The following PSMD1 variants were observed in gnomAD, a reference collection of about 807,000 sequenced individuals.
PSMD1 encodes the protein proteasome 26S subunit, non-ATPase 1, also known as 26S proteasome non-ATPase regulatory subunit 1.
Under a neutral mutation model 119.0 loss-of-function variants are expected in PSMD1, and 18 were observed. The ratio of observed to expected loss-of-function variants is 0.15; its 90% CI spans 0.10 to 0.22. The LOEUF (loss-of-function observed/expected upper bound fraction) is 0.22. PSMD1 is among the 10% of genes least tolerant of loss of function. The pLI is 1.00. For missense variants in PSMD1, 702 were observed against 1,158.5 expected (o/e 0.61, Z 5.72); for synonymous variants, 374 against 396.6 (o/e 0.94, Z 0.68).
In PSMD1 at chr2:231,068,048, A is replaced by G. The variant is rs946734113; in HGVS notation, c.510+937A>G. ...TTGCAGAACTTTGATCCCAATACCC[A>G]TGCCTTCCTCAGCCCCTAAGCAAAG... On this transcript the variant is annotated intron_variant, in intron 5 of 24. Transcript: ENST00000308696. 3.3e-5 allele frequency among the ~76,000 whole-genome samples: 5 copies of G among 152,092 alleles called. 1 individual carries two copies. The highest frequency in any genetic ancestry group is 4.1e-4 in the South Asian group (2 of 4,830).
chr2:231,066,856 A>G (rs768541522), intron 4 of PSMD1, 50 bp from the exon 5 acceptor site: 1 of 1,440,540 alleles, frequency 6.9e-7, no homozygotes, highest in East Asian at 2.4e-5. Context: ...GCCCTTTCTG[A>G]TAGTTTAGCC....
intron 16 of PSMD1, among the ~76,000 whole-genome samples, chr2:231,128,454 G>A (rs999400520): frequency 1.4e-4 from 22 of 152,152 alleles, no homozygotes; most frequent in African/African-American, 5.3e-4. Context: ...GAAACTATAA[G>A]AATAGCTATT....
intron 12 of PSMD1, among the ~76,000 whole-genome samples, chr2:231,082,674 C>T (rs911177781): frequency 1.3e-5 from 2 of 152,210 alleles, no homozygotes; most frequent in Non-Finnish European, 2.9e-5. Context: ...CATTGCACTC[C>T]AGCCTGGGCG....
chr2:231,163,855 C>T (rs571974642), intron 21 of PSMD1, 128 bp downstream of exon 21: 4 of 700,084 alleles, frequency 5.7e-6, no homozygotes, highest in East Asian at 2.8e-5. Flanking sequence ...TGACATTACA[C>T]AAGAATATGA....
At chr2:231,145,519 A>G (rs1231382621) in intron 17 of PSMD1, among the ~76,000 whole-genome samples, 1 of 152,156 alleles carries the variant, frequency 6.6e-6, no homozygotes, top group Non-Finnish European at 1.5e-5. Context: ...TTTTTCTTCA[A>G]TAATTGATCT....
At chr2:231,172,217 G>A (rs112271371) in intron 24 of PSMD1, among the ~76,000 whole-genome samples, 6 of 152,294 alleles carry the variant, frequency 3.9e-5, no homozygotes, top group African/African-American at 9.6e-5. Context: ...GGTGACTCAC[G>A]TTAGCTCCCA....
chr2:231,157,918 T>G (rs1197349130), intron 19 of PSMD1, among the ~76,000 whole-genome samples: 2 of 152,106 alleles, frequency 1.3e-5, no homozygotes, highest in Admixed American at 1.3e-4. Flanking sequence ...ATAGAATTAA[T>G]CTCATGTCCT....
intron 16 of PSMD1, among the ~76,000 whole-genome samples, chr2:231,106,572 T>G (rs1694979889): frequency 6.6e-6 from 1 of 151,836 alleles, no homozygotes; most frequent in Non-Finnish European, 1.5e-5. Context: ...GAGCCAAGAT[T>G]GCGCCACTGC....
intron 7 of PSMD1, among the ~76,000 whole-genome samples, chr2:231,074,911 C>T (rs1193663574): frequency 6.6e-6 from 1 of 152,160 alleles, no homozygotes; most frequent in East Asian, 1.9e-4. Context: ...TCACTGCAAC[C>T]TCAAACTCCT....
chr2:231,139,076 C>G (rs1216581311), intron 17 of PSMD1: 1 of 563,422 alleles, frequency 1.8e-6, no homozygotes, highest in African/African-American at 1.9e-5. Flanking sequence ...TGAAACAGTG[C>G]TTTTGAATTT....
intron 16 of PSMD1, among the ~76,000 whole-genome samples, chr2:231,096,291 C>T (rs1022523122): frequency 2.0e-5 from 3 of 152,188 alleles, no homozygotes; most frequent in Non-Finnish European, 4.4e-5. Flanking sequence ...GGAGGGGACT[C>T]AGGCAAAACC....
At chr2:231,128,321 A>G (rs755018717) in intron 16 of PSMD1, among the ~76,000 whole-genome samples, 9 of 152,240 alleles carry the variant, frequency 5.9e-5, no homozygotes, top group Admixed American at 3.9e-4. Context: ...TATAGTACAG[A>G]TAAGGTAGAA....
chr2:231,140,888 G>T (rs1184043242), intron 17 of PSMD1, among the ~76,000 whole-genome samples: 1 of 151,852 alleles, frequency 6.6e-6, no homozygotes, highest in Non-Finnish European at 1.5e-5. Flanking sequence ...CAAAAAAAAG[G>T]CCAGGTGTGG....
rs111314393 is a variant in PSMD1 at position 231,169,563 on chromosome 2, T to C, written c.2716-1003T>C. ...CACGAAGCACACCAGTTTTATAGCA[T>C]GGCAGGGCAGAGTTCTGATGAGTAA... On this transcript the variant is annotated intron_variant, in intron 23 of 24. Transcript: ENST00000308696. Among the ~76,000 whole-genome samples, 1,277 of 152,340 alleles carry C rather than the reference T, an allele frequency of 8.4e-3. 24 individuals are homozygous for C. The highest frequency in any genetic ancestry group is 0.029 in the African/African-American group (1,221 of 41,578).
At position 231,146,272 on chromosome 2, in the gene PSMD1, C is replaced by T. The variant is rs373710327; in HGVS notation, c.2031C>T (p.Asn677=). ...TTAATTTGCTAGAACCAATGACAAA[C>T]GACCCCGTGAACTACGTGAGGCAAG... is the stretch of plus-strand genomic sequence containing the variant. ...EAINLLEPMT[N]DPVNYVRQGA... The change falls in exon 18 of 25, where the codon AAC becomes AAT. Residue 677 remains asparagine (N), a synonymous_variant. Transcript: ENST00000308696. 31 of 1,613,432 alleles carry T rather than the reference C, an allele frequency of 1.9e-5. 1 individual carries two copies. The Admixed American group carries it at 2.3e-4, about 12-fold the overall frequency.
chr2:231,105,211 A>C (rs1694948781), intron 16 of PSMD1, among the ~76,000 whole-genome samples: 2 of 152,164 alleles, frequency 1.3e-5, no homozygotes, highest in South Asian at 4.1e-4. Flanking sequence ...CTTGTAAATA[A>C]AAGTAAAAAA....
intron 16 of PSMD1, among the ~76,000 whole-genome samples, chr2:231,118,297 T>C (rs1258754895): frequency 6.6e-6 from 1 of 152,174 alleles, no homozygotes; most frequent in Non-Finnish European, 1.5e-5. Flanking sequence ...AAAACACTCC[T>C]ACATAGAAAC....
At chr2:231,104,320 T>C (rs948063535) in intron 16 of PSMD1, among the ~76,000 whole-genome samples, 5 of 152,134 alleles carry the variant, frequency 3.3e-5, no homozygotes, top group Admixed American at 3.3e-4. Flanking sequence ...CAGCAGCAGA[T>C]GTCTCCCGTG....
chr2:231,079,098 A>T (rs1263219596), intron 10 of PSMD1, among the ~76,000 whole-genome samples: 1 of 151,960 alleles, frequency 6.6e-6, no homozygotes, highest in East Asian at 1.9e-4. Context: ...CCCGGCCTAA[A>T]ATCCTTTTTA....
Sources: allele counts gnomAD v4.1 joint callset (sites outside exome capture counted in the v4.1 genomes callset), GRCh38; gene constraint gnomAD v4.1.1; transcripts MANE v1.5; gene names NCBI Gene and HGNC (gene_info 2026-07-23, HGNC 2026-07-21).